The following COG6 variants were observed in gnomAD, a reference collection of about 807,000 sequenced individuals.
COG6 encodes component of oligomeric golgi complex 6.
COG6 carries 74 observed loss-of-function variants against 88.8 expected under a neutral mutation model. That is an observed-to-expected ratio of 0.83 (90% CI 0.69 to 1.01). The LOEUF is 1.01. COG6 is among the 50% of genes least tolerant of loss of function. The pLI, the probability that COG6 is intolerant of heterozygous loss-of-function variation, is 0.00. For missense variants in COG6, 800 were observed against 797.9 expected (o/e 1.00, Z -0.03); for synonymous variants, 286 against 278.7 (o/e 1.03, Z -0.26).
chr13:39,698,319 T>A (rs139937569), intron 12 of COG6, among the ~76,000 whole-genome samples: 119 of 152,190 alleles, frequency 7.8e-4, no homozygotes, highest in Non-Finnish European at 1.0e-3. Flanking sequence ...TTTCATTGCA[T>A]GTGCAGGCAT....
chr13:39,753,591 A>G (rs1880736776), downstream of COG6, among the ~76,000 whole-genome samples: 3 of 152,046 alleles, frequency 2.0e-5, no homozygotes, highest in African/African-American at 2.4e-5. Context: ...CTATTCTCAA[A>G]CATCACACCC....
downstream of COG6, among the ~76,000 whole-genome samples, chr13:39,754,712 G>A (rs1880777150): frequency 6.6e-6 from 1 of 152,058 alleles, no homozygotes; most frequent in South Asian, 2.1e-4. Context: ...TACCTACTAG[G>A]TAGTAGGCTT....
intron 13 of COG6, among the ~76,000 whole-genome samples, chr13:39,715,866 G>T (rs1256529666): frequency 6.6e-6 from 1 of 151,840 alleles, no homozygotes; most frequent in Non-Finnish European, 1.5e-5. Flanking sequence ...TTAAACCATG[G>T]AGAAGAGCAC....
chr13:39,662,199 G>A (rs1457322750), intron 3 of COG6, among the ~76,000 whole-genome samples: 10 of 133,254 alleles, frequency 7.5e-5, no homozygotes, highest in East Asian at 2.2e-4. Context: ...GCGTGATCTC[G>A]GCTCATAGCA....
At chr13:39,687,850 G>C in intron 10 of COG6, 51 bp downstream of exon 10, 2 of 1,262,812 alleles carry the variant, frequency 1.6e-6, no homozygotes, top group South Asian at 2.4e-5. Flanking sequence ...AATAACACAA[G>C]CATCTCTGTT....
chr13:39,675,089 A>G (rs1395225001), intron 4 of COG6, among the ~76,000 whole-genome samples: 2 of 152,108 alleles, frequency 1.3e-5, no homozygotes, highest in Non-Finnish European at 2.9e-5. Context: ...TATTTCACAT[A>G]TTATTATTTA....
chr13:39,667,194 A>G (rs1420932009), intron 4 of COG6, among the ~76,000 whole-genome samples: 6 of 152,240 alleles, frequency 3.9e-5, no homozygotes, highest in Admixed American at 2.6e-4. Context: ...TAGAATACCA[A>G]ATAAAATAGT....
At chr13:39,775,628 G>T (rs1881440818) in intron 18 of COG6, among the ~76,000 whole-genome samples, 1 of 152,048 alleles carries the variant, frequency 6.6e-6, no homozygotes, top group Non-Finnish European at 1.5e-5. Flanking sequence ...TGCTTGAGTG[G>T]CTCACAAAGC....
At chr13:39,698,543 T>G (rs1232670868) in intron 12 of COG6, among the ~76,000 whole-genome samples, 9 of 151,976 alleles carry the variant, frequency 5.9e-5, no homozygotes, top group Non-Finnish European at 1.3e-4. Flanking sequence ...GGTTTCGGAA[T>G]TGTACTGAAA....
intron 8 of COG6, among the ~76,000 whole-genome samples, chr13:39,684,989 A>G (rs950747192): frequency 6.6e-6 from 1 of 152,196 alleles, no homozygotes; most frequent in African/African-American, 2.4e-5. Flanking sequence ...CCTTTAGAAT[A>G]TAAGTTATTT....
chr13:39,708,772 T>G (rs1481163858), intron 13 of COG6, among the ~76,000 whole-genome samples: 1 of 152,210 alleles, frequency 6.6e-6, no homozygotes, highest in African/African-American at 2.4e-5. Context: ...GCTAATCTTC[T>G]CAGTCATCTT....
intron 18 of COG6, among the ~76,000 whole-genome samples, chr13:39,743,399 C>A (rs546615483): frequency 6.0e-4 from 91 of 152,134 alleles, no homozygotes; most frequent in Middle Eastern, 3.4e-3. Flanking sequence ...CAAATAGATG[C>A]AATAAAAAAT....
intron 1 of COG6, chr13:39,656,280 C>G (rs760031283): frequency 4.5e-6 from 2 of 445,050 alleles, no homozygotes; most frequent in Non-Finnish European, 9.0e-6. Flanking sequence ...GATAAGGTAG[C>G]GCAAATGGGG....
intron 18 of COG6, among the ~76,000 whole-genome samples, chr13:39,761,114 AT>A (rs1448835250): frequency 1.3e-5 from 2 of 152,074 alleles, no homozygotes; most frequent in African/African-American, 4.8e-5. Context: ...GAGAATTGAT[AT>A]CTTTATAAGA....
At chr13:39,671,657 G>A (rs769746744) in intron 4 of COG6, among the ~76,000 whole-genome samples, 8 of 151,828 alleles carry the variant, frequency 5.3e-5, no homozygotes, top group Non-Finnish European at 8.8e-5. Context: ...GTGTATGTTT[G>A]TGTCACACAT....
At chr13:39,716,192 A>G (rs1344747640) in intron 13 of COG6, among the ~76,000 whole-genome samples, 1 of 151,906 alleles carries the variant, frequency 6.6e-6, no homozygotes, top group Admixed American at 6.6e-5. Flanking sequence ...ATATATGTTT[A>G]TAATTATTTT....
At chr13:39,680,767 T>C (rs1366104061) in intron 7 of COG6, among the ~76,000 whole-genome samples, 1 of 152,172 alleles carries the variant, frequency 6.6e-6, no homozygotes. Flanking sequence ...AAGCCAGCAA[T>C]GTCAGGTCAT....
chr13:39,709,802 T>G (rs1878140728), intron 13 of COG6, among the ~76,000 whole-genome samples: 1 of 152,154 alleles, frequency 6.6e-6, no homozygotes, highest in South Asian at 2.1e-4. Context: ...TGATGGGCAC[T>G]TAGGTTGATT....
At chr13:39,731,779 T>C (rs943631169) in intron 18 of COG6, among the ~76,000 whole-genome samples, 1 of 152,078 alleles carries the variant, frequency 6.6e-6, no homozygotes, top group African/African-American at 2.4e-5. Flanking sequence ...TATTCACTTG[T>C]ACTATCAGGA....
Sources: gnomAD v4.1 joint callset for allele counts (sites outside exome capture counted in the v4.1 genomes callset) on GRCh38, gnomAD v4.1.1 for gene constraint, MANE v1.5 for transcripts, NCBI Gene and HGNC (gene_info 2026-07-23, HGNC 2026-07-21) for gene names.